MEGF11: variants seen among roughly 807,000 people sequenced by gnomAD.
The protein encoded by MEGF11 is multiple epidermal growth factor-like domains protein 11.
Under a neutral mutation model 146.6 loss-of-function variants are expected in MEGF11, and 126 were observed. The ratio of observed to expected loss-of-function variants is 0.86; its 90% CI spans 0.74 to 1.00. The LOEUF is 1.00. MEGF11 is among the 50% of genes least tolerant of loss of function. The pLI is 0.00. For missense variants in MEGF11, 1,509 were observed against 1,521.2 expected (o/e 0.99, Z 0.13); for synonymous variants, 532 against 583.4 (o/e 0.91, Z 1.27).
chr15:65,966,597 C>T (rs756365574), intron 8 of MEGF11, among the ~76,000 whole-genome samples: 1 of 152,140 alleles, frequency 6.6e-6, no homozygotes, highest in Non-Finnish European at 1.5e-5. Flanking sequence ...TGCCCTGTGA[C>T]AAGGCTATTT....
intron 1 of MEGF11, among the ~76,000 whole-genome samples, chr15:66,156,288 C>T (rs796511003): frequency 9.2e-5 from 14 of 152,268 alleles, no homozygotes; most frequent in African/African-American, 3.4e-4. Flanking sequence ...TAGCTCCCAC[C>T]ACCTTTCCAC....
chr15:65,910,239 T>C (rs1045319063), intron 21 of MEGF11, among the ~76,000 whole-genome samples: 5 of 152,162 alleles, frequency 3.3e-5, no homozygotes, highest in Admixed American at 2.6e-4. Flanking sequence ...TGATTGGGGC[T>C]GAATGTGAGA....
At position 65,970,616 on chromosome 15, in the gene MEGF11, T is replaced by A. The variant is rs1387646768; in HGVS notation, c.836A>T (p.His279Leu). 1.2e-6 allele frequency: 2 copies of A among 1,613,864 alleles called. No homozygotes were observed. The highest frequency in any genetic ancestry group is 1.3e-5 in the African/African-American group (1 of 75,058). ...QNCSQDCPCHHGGQCDHVTGQ... is the reference protein window; with the variant it reads ...QNCSQDCPCHLGGQCDHVTGQ... The stretch of plus-strand genomic sequence containing the variant: ...AGTCACGTGGTCACACTGCCCTCCA[T>A]GGTGGCAAGGACAATCCTGGCTGCA... The change falls in exon 8 of 26, where the codon CAT becomes CTT. Residue 279 changes from histidine to leucine, a missense_variant. Transcript: ENST00000395614.
intron 10 of MEGF11, among the ~76,000 whole-genome samples, chr15:65,955,799 C>T (rs1388712273): frequency 1.9e-3 from 7 of 3,734 alleles, no homozygotes; most frequent in East Asian, 0.029. Flanking sequence ...TATATACACA[C>T]ACACACACAC....
At chr15:66,027,160 C>T (rs577953532) in intron 5 of MEGF11, among the ~76,000 whole-genome samples, 3 of 152,326 alleles carry the variant, frequency 2.0e-5, no homozygotes, top group Admixed American at 2.0e-4. Context: ...CCAGCAAGCT[C>T]ACTCAGAAAC....
chr15:65,914,327 G>C (rs2078920378), intron 19 of MEGF11, among the ~76,000 whole-genome samples: 1 of 152,150 alleles, frequency 6.6e-6, no homozygotes, highest in South Asian at 2.1e-4. Context: ...TTATCAAAAG[G>C]TTAGGTAATG....
chr15:66,055,746 A>G (rs1317293204), intron 5 of MEGF11, among the ~76,000 whole-genome samples: 1 of 152,234 alleles, frequency 6.6e-6, no homozygotes, highest in Non-Finnish European at 1.5e-5. Context: ...TTATTAAATC[A>G]CAATGGTGGG....
chr15:65,941,658 C>A (rs778988950), intron 10 of MEGF11, among the ~76,000 whole-genome samples: 1 of 152,198 alleles, frequency 6.6e-6, no homozygotes, highest in Non-Finnish European at 1.5e-5. Context: ...ATTCTCTTTC[C>A]TGAGATTCTG....
At position 65,929,637 on chromosome 15, in the gene MEGF11, C is replaced by T. The variant is rs989489250; in HGVS notation, c.1572+83G>A. The T allele has an allele frequency of 2.1e-6, 3 of 1,455,676 alleles. No individual in the cohort carries two copies. The African/African-American group carries it at 4.2e-5, about 20-fold the overall frequency. The allele number at this position is 1,455,676 out of a possible 1,614,324, so 90.2% of individuals were successfully genotyped here. On this transcript the variant is annotated intron_variant, in intron 12 of 25. Transcript: ENST00000395614. ...ACCTAGCTTAGTGCTGTTCTCTGTG[C>T]ACTCTTGTGGACGAACTAACACCAG...
chr15:66,033,078 CAAAAAAAAA>C (rs60932678), intron 5 of MEGF11, among the ~76,000 whole-genome samples: 1 of 80,640 alleles, frequency 1.2e-5, no homozygotes, highest in Non-Finnish European at 2.3e-5. Context: ...GAGACTCCAT[CAAAAAAAAA>C]AAAAAAAAAA....
chr15:66,235,274 G>A (rs2092064584), intron 1 of MEGF11, among the ~76,000 whole-genome samples: 1 of 152,158 alleles, frequency 6.6e-6, no homozygotes, highest in Non-Finnish European at 1.5e-5. Context: ...AGGCTGAGGA[G>A]GAGGATTGCT....
chr15:65,978,559 G>A (rs972493843), intron 7 of MEGF11, among the ~76,000 whole-genome samples: 2 of 152,158 alleles, frequency 1.3e-5, no homozygotes, highest in African/African-American at 4.8e-5. Flanking sequence ...TCAACCACCC[G>A]AGCCTCAGCA....
chr15:66,130,775 G>A (rs1297968037), intron 1 of MEGF11, among the ~76,000 whole-genome samples: 3 of 97,576 alleles, frequency 3.1e-5, no homozygotes, highest in Admixed American at 1.0e-4. Flanking sequence ...CCTTGTCTCC[G>A]ATACTTCACT....
At chr15:65,959,561 T>C (rs774582760) in intron 9 of MEGF11, among the ~76,000 whole-genome samples, 32 of 152,198 alleles carry the variant, frequency 2.1e-4, no homozygotes, top group Non-Finnish European at 4.1e-4. Flanking sequence ...TCTTTAATAC[T>C]TTAATACTTT....
chr15:65,904,732 C>T (rs1458000303), intron 24 of MEGF11, among the ~76,000 whole-genome samples: 1 of 152,204 alleles, frequency 6.6e-6, no homozygotes, highest in Non-Finnish European at 1.5e-5. Flanking sequence ...CCTGAGGGTG[C>T]TCTTCACACA....
intron 1 of MEGF11, among the ~76,000 whole-genome samples, chr15:66,145,131 T>TTAGC (rs1413954166): frequency 6.6e-6 from 1 of 152,170 alleles, no homozygotes; most frequent in African/African-American, 2.4e-5. Context: ...CAGAACTCAC[T>TTAGC]TAGCAGAGGC....
chr15:66,112,192 C>T (rs146929132), intron 4 of MEGF11, among the ~76,000 whole-genome samples: 149 of 151,700 alleles, frequency 9.8e-4, no homozygotes, highest in Non-Finnish European at 1.7e-3. Context: ...TAGAACTAAT[C>T]GCTCGAGATA....
chr15:66,032,877 C>T (rs560808288), intron 5 of MEGF11, among the ~76,000 whole-genome samples: 137 of 152,062 alleles, frequency 9.0e-4, no homozygotes, highest in Non-Finnish European at 1.6e-3. Context: ...GTCAGGAGGT[C>T]GAGACCATCC....
At chr15:65,963,731 G>A (rs2080954371) in intron 9 of MEGF11, among the ~76,000 whole-genome samples, 1 of 152,202 alleles carries the variant, frequency 6.6e-6, no homozygotes, top group African/African-American at 2.4e-5. Context: ...CACCCTCTCT[G>A]GACAGTCTCT....
Sources: allele counts gnomAD v4.1 joint callset (sites outside exome capture counted in the v4.1 genomes callset), GRCh38; gene constraint gnomAD v4.1.1; transcripts MANE v1.5; gene names NCBI Gene and HGNC (gene_info 2026-07-23, HGNC 2026-07-21).